TC2N: variants seen among roughly 807,000 people sequenced by gnomAD.
The protein encoded by TC2N is tandem C2 domains, nuclear, also known as tandem C2 domains nuclear protein.
Under a neutral mutation model 61.9 loss-of-function variants are expected in TC2N, and 51 were observed. The observed-to-expected ratio is 0.82, with a 90% CI of 0.66 to 1.04. The LOEUF is 1.04. Ranked by LOEUF, TC2N falls within the 50% of genes least tolerant of loss-of-function variation. The pLI, the probability that TC2N is intolerant of heterozygous loss-of-function variation, is 0.00. For synonymous variants in TC2N, 204 were observed against 192.6 expected (o/e 1.06, Z -0.49); for missense variants, 556 against 566.7 (o/e 0.98, Z 0.19).
chr14:91,843,983 T>C (rs949010725), intron 1 of TC2N, among the ~76,000 whole-genome samples: 4 of 152,216 alleles, frequency 2.6e-5, no homozygotes, highest in African/African-American at 9.7e-5. Flanking sequence ...TGGGATAGTT[T>C]TTGAGGAAAT....
intron 3 of TC2N, 77 bp downstream of exon 3, chr14:91,812,235 A>G (rs1886800954): frequency 1.1e-5 from 8 of 731,274 alleles, no homozygotes; most frequent in Non-Finnish European, 1.6e-5. Context: ...TGAATTTTGT[A>G]TTAAAAATAT....
Position 91,858,811 on chromosome 14 carries a change from T to A in TC2N, c.-57+8451A>T, listed in dbSNP as rs76182207. Among the ~76,000 whole-genome samples the A allele has an allele frequency of 2.0e-5, 3 of 152,280 alleles. No homozygotes were observed. The East Asian group carries it at 5.8e-4, about 29-fold the overall frequency. ...CGAGTGGATGAAGAAACTGCTCTCA[T>A]AAGCGTGGTTATGCAGATCAAAGAG... On this transcript the variant is annotated intron_variant, in intron 1 of 11. Transcript: ENST00000435962.
At chr14:91,792,818 T>A (rs879134718) in intron 8 of TC2N, among the ~76,000 whole-genome samples, 1 of 152,176 alleles carries the variant, frequency 6.6e-6, no homozygotes, top group Non-Finnish European at 1.5e-5. Context: ...CTCACCACAA[T>A]ACAGCTTTTT....
chr14:91,806,177 G>A (rs1215589707), intron 3 of TC2N, among the ~76,000 whole-genome samples: 2 of 152,104 alleles, frequency 1.3e-5, no homozygotes, highest in Non-Finnish European at 2.9e-5. Context: ...CAGCCACGTG[G>A]AACTGTGAGT....
intron 1 of TC2N, among the ~76,000 whole-genome samples, chr14:91,846,227 T>C (rs548010280): frequency 2.0e-5 from 3 of 152,342 alleles, no homozygotes; most frequent in African/African-American, 7.2e-5. Flanking sequence ...ACTTATTTTC[T>C]AGATTCTTAC....
At chr14:91,818,946 G>C (rs529581692) in intron 1 of TC2N, among the ~76,000 whole-genome samples, 53 of 150,084 alleles carry the variant, frequency 3.5e-4, no homozygotes, top group African/African-American at 1.3e-3. Context: ...ACTGGGGATA[G>C]GGGGGAGGGC....
intron 1 of TC2N, among the ~76,000 whole-genome samples, chr14:91,863,809 G>T: frequency 8.2e-6 from 1 of 122,364 alleles, no homozygotes. Flanking sequence ...AAAAAAGCGA[G>T]ACCCCAGACT....
chr14:91,827,479 C>T (rs1250325015), intron 1 of TC2N, among the ~76,000 whole-genome samples: 2 of 152,202 alleles, frequency 1.3e-5, no homozygotes, highest in African/African-American at 4.8e-5. Context: ...ACAGCATCTT[C>T]CAGTCTCCCT....
chr14:91,826,874 C>A (rs2139888105), intron 1 of TC2N, among the ~76,000 whole-genome samples: 1 of 152,288 alleles, frequency 6.6e-6, no homozygotes, highest in East Asian at 1.9e-4. Flanking sequence ...ATAGTTATAG[C>A]TATGCAGCTT....
At position 91,780,619 on chromosome 14, in the gene TC2N, C is replaced by G. The variant is rs1885054667; in HGVS notation, c.*2481G>C. The G allele has an allele frequency of 6.6e-6, 1 of 152,212 alleles. No homozygotes were observed. The highest frequency in any genetic ancestry group is 1.5e-5 in the Non-Finnish European group (1 of 68,024). 9.4% of individuals were successfully genotyped at this position (152,212 alleles called of 1,614,324 possible). On this transcript the variant is annotated 3_prime_UTR_variant, in exon 12 of 12. Coordinates refer to ENST00000435962, the MANE Select transcript of TC2N (RefSeq NM_001128596.3). ...GAATGAGCACTGTAAAAGCTATCAG[C>G]TATCAGCGTGAACCCTTCCATGGTT... is the stretch of plus-strand genomic sequence containing the variant.
chr14:91,792,820 C>A (rs939421459), intron 8 of TC2N, among the ~76,000 whole-genome samples: 4 of 152,138 alleles, frequency 2.6e-5, no homozygotes, highest in Non-Finnish European at 5.9e-5. Context: ...CACCACAATA[C>A]AGCTTTTTCC....
chr14:91,866,029 C>T lies in TC2N; in HGVS notation c.-57+1233G>A, dbSNP rs143709961. Among the ~76,000 whole-genome samples, 7 of 152,116 alleles carry T rather than the reference C, an allele frequency of 4.6e-5. No homozygotes were observed. The East Asian group carries it at 7.7e-4, about 17-fold the overall frequency. Reference sequence around the variant, plus strand: ...TGTTCATGTCTCTGAATCCAGCAACCGGCTTAACCAAAGTGGATTCTTAAC... The same window carrying T: ...TGTTCATGTCTCTGAATCCAGCAACTGGCTTAACCAAAGTGGATTCTTAAC... On this transcript the variant is annotated intron_variant, in intron 1 of 11. Transcript: ENST00000435962.
intron 8 of TC2N, among the ~76,000 whole-genome samples, chr14:91,793,249 T>C (rs775068959): frequency 6.6e-5 from 10 of 152,220 alleles, no homozygotes; most frequent in Non-Finnish European, 1.2e-4. Flanking sequence ...TGGCTTACTA[T>C]GGGCTAACAT....
intron 1 of TC2N, among the ~76,000 whole-genome samples, chr14:91,820,405 G>A (rs1887191152): frequency 6.6e-6 from 1 of 151,802 alleles, no homozygotes; most frequent in Non-Finnish European, 1.5e-5. Flanking sequence ...ACAAAAATTT[G>A]ACAAAATCCA....
rs1419109016 is a variant in TC2N, at chr14:91,780,789, A to T, written c.*2311T>A. The T allele has an allele frequency of 6.6e-6, 1 of 152,152 alleles. No homozygotes were observed. Among genetic ancestry groups the T allele is most frequent in the Non-Finnish European group, 1.5e-5 (1 of 68,008 alleles). 9.4% of individuals were successfully genotyped at this position (152,152 alleles called of 1,614,324 possible). On this transcript the variant is annotated 3_prime_UTR_variant, in exon 12 of 12. Coordinates refer to ENST00000435962, the MANE Select transcript of TC2N (RefSeq NM_001128596.3). Reference sequence around the variant, plus strand: ...ACCAGCTCCTAACGTTTTTCTCACAATATGCATACCTATTAGCAGGAGATT... The same window carrying T: ...ACCAGCTCCTAACGTTTTTCTCACATTATGCATACCTATTAGCAGGAGATT...
intron 9 of TC2N, among the ~76,000 whole-genome samples, chr14:91,791,575 A>C (rs1885657310): frequency 6.6e-6 from 1 of 152,136 alleles, no homozygotes; most frequent in Admixed American, 6.5e-5. Context: ...CCATTAGGTA[A>C]TAAAGCTTTT....
intron 1 of TC2N, chr14:91,836,234 G>A (rs899073084): frequency 3.9e-4 from 59 of 152,392 alleles, no homozygotes; most frequent in African/African-American, 1.3e-3. Context: ...ACAGCCCTGA[G>A]CGAGCTGCCA....
intron 3 of TC2N, among the ~76,000 whole-genome samples, chr14:91,811,087 T>C (rs2474794): frequency 1.3e-5 from 2 of 152,122 alleles, no homozygotes; most frequent in African/African-American, 4.8e-5. Flanking sequence ...ATTCTACAAA[T>C]ACTCACTTGG....
chr14:91,808,790 A>G (rs1465786391), intron 3 of TC2N, among the ~76,000 whole-genome samples: 1 of 152,226 alleles, frequency 6.6e-6, no homozygotes, highest in African/African-American at 2.4e-5. Context: ...TCTGATTATG[A>G]AAATAATAGA....
Sources: allele counts gnomAD v4.1 joint callset (sites outside exome capture counted in the v4.1 genomes callset), GRCh38; gene constraint gnomAD v4.1.1; transcripts MANE v1.5; gene names NCBI Gene and HGNC (gene_info 2026-07-23, HGNC 2026-07-21).